GMDS: variants seen among roughly 807,000 people sequenced by gnomAD.
GMDS encodes the protein GDP-mannose 4,6-dehydratase, also known as GDP-mannose 4,6 dehydratase.
GMDS carries 20 observed loss-of-function variants against 49.9 expected under a neutral mutation model. That is an observed-to-expected ratio of 0.40 (90% CI 0.28 to 0.58). GMDS has a LOEUF of 0.58. Ranked by LOEUF, GMDS falls within the 20% of genes least tolerant of loss-of-function variation. The pLI is 0.42. For synonymous variants in GMDS, 177 were observed against 178.6 expected (o/e 0.99, Z 0.07); for missense variants, 362 against 481.4 (o/e 0.75, Z 2.32).
chr6:1,896,544 T>G (rs898510917), intron 7 of GMDS, among the ~76,000 whole-genome samples: 2 of 151,792 alleles, frequency 1.3e-5, no homozygotes, highest in Admixed American at 1.3e-4. Context: ...CCGGGGAATC[T>G]GACAGCGGGG....
chr6:1,856,467 T>C (rs967962535), intron 7 of GMDS, among the ~76,000 whole-genome samples: 2 of 152,234 alleles, frequency 1.3e-5, no homozygotes, highest in African/African-American at 2.4e-5. Context: ...ACCACTGCTG[T>C]AGACATTAGC....
chr6:2,233,870 G>T (rs1233491999), intron 1 of GMDS, among the ~76,000 whole-genome samples: 1 of 152,162 alleles, frequency 6.6e-6, no homozygotes, highest in Non-Finnish European at 1.5e-5. Flanking sequence ...TGGTCCAGGG[G>T]ATACAGTTTG....
chr6:1,848,207 G>A (rs1009632179), intron 7 of GMDS, among the ~76,000 whole-genome samples: 11 of 151,960 alleles, frequency 7.2e-5, no homozygotes, highest in African/African-American at 1.2e-4. Context: ...CCAACGTACC[G>A]CCCCATTTCA....
chr6:1,727,016 T>C (rs1766615388), intron 8 of GMDS, among the ~76,000 whole-genome samples: 1 of 152,198 alleles, frequency 6.6e-6, no homozygotes, highest in South Asian at 2.1e-4. Flanking sequence ...ATTCAATGCA[T>C]CCCTGGATCA....
chr6:1,971,467 C>T (rs764567704), intron 4 of GMDS, among the ~76,000 whole-genome samples: 2 of 152,172 alleles, frequency 1.3e-5, no homozygotes, highest in Non-Finnish European at 2.9e-5. Context: ...GTGACAAATG[C>T]TAACCAGACT....
At chr6:2,007,869 C>G (rs969802207) in intron 4 of GMDS, among the ~76,000 whole-genome samples, 4 of 152,184 alleles carry the variant, frequency 2.6e-5, no homozygotes, top group Non-Finnish European at 4.4e-5. Flanking sequence ...GAAGGATTCT[C>G]AGCACAGCAG....
chr6:1,856,500 C>T (rs77646742), intron 7 of GMDS, among the ~76,000 whole-genome samples: 9 of 152,334 alleles, frequency 5.9e-5, no homozygotes, highest in Admixed American at 1.3e-4. Flanking sequence ...TGAGAGCTAA[C>T]GTATTTGCCC....
chr6:1,855,119 C>G (rs1757887608), intron 7 of GMDS, among the ~76,000 whole-genome samples: 1 of 152,198 alleles, frequency 6.6e-6, no homozygotes, highest in Admixed American at 6.5e-5. Context: ...AACTCCCATA[C>G]TTTATATGTC....
intron 6 of GMDS, among the ~76,000 whole-genome samples, chr6:1,937,809 G>T (rs1270882081): frequency 6.6e-6 from 1 of 152,128 alleles, no homozygotes; most frequent in Non-Finnish European, 1.5e-5. Context: ...CACATCAACA[G>T]GTTCAGATAT....
chr6:1,714,637 C>T (rs1332414024), intron 9 of GMDS, among the ~76,000 whole-genome samples: 1 of 152,184 alleles, frequency 6.6e-6, no homozygotes, highest in African/African-American at 2.4e-5. Flanking sequence ...ACACTTTGTT[C>T]CACAAATATA....
chr6:1,770,220 C>T (rs958193605), intron 7 of GMDS, among the ~76,000 whole-genome samples: 1 of 152,122 alleles, frequency 6.6e-6, no homozygotes, highest in Non-Finnish European at 1.5e-5. Flanking sequence ...TGAGCCAACA[C>T]ACGAACACAT....
At chr6:2,219,163 C>T (rs766847503) in intron 1 of GMDS, among the ~76,000 whole-genome samples, 1 of 152,058 alleles carries the variant, frequency 6.6e-6, no homozygotes, top group South Asian at 2.1e-4. Context: ...GGGGAGGTGG[C>T]GGACAGGCAT....
At chr6:1,699,579 C>G (rs910316379) in intron 9 of GMDS, among the ~76,000 whole-genome samples, 2 of 152,180 alleles carry the variant, frequency 1.3e-5, no homozygotes, top group African/African-American at 4.8e-5. Context: ...GCCTACACCC[C>G]TTGGCTCGCA....
intron 7 of GMDS, among the ~76,000 whole-genome samples, chr6:1,749,170 G>T (rs1442189763): frequency 6.6e-6 from 1 of 152,178 alleles, no homozygotes; most frequent in African/African-American, 2.4e-5. Context: ...GTGATTAGTG[G>T]AAAGGAGCCC....
intron 9 of GMDS, among the ~76,000 whole-genome samples, chr6:1,682,367 C>T (rs1347222529): frequency 6.6e-6 from 1 of 152,218 alleles, no homozygotes; most frequent in Non-Finnish European, 1.5e-5. Flanking sequence ...CCTCCTCAGG[C>T]CTCCACTGCT....
chr6:2,096,295 C>T (rs186188107), intron 4 of GMDS, among the ~76,000 whole-genome samples: 2 of 152,236 alleles, frequency 1.3e-5, no homozygotes. Flanking sequence ...GTTATACATC[C>T]AGTGTCTTAA....
rs1554143996 is a variant in GMDS at position 1,999,959 on chromosome 6, T to TTATATATATATTATATATATATATTA, written c.346-38994_346-38993insTAATATATATATATAATATATATATA. On this transcript the variant is annotated intron_variant, in intron 4 of 10. Transcript: ENST00000380815. ...TTATATATAATATATAATATGTATA[T>TTATATATATATTATATATATATATTA]TATATATATATTATATATATATTTT... 3.4e-3 allele frequency among the ~76,000 whole-genome samples: 43 copies of TTATATATATATTATATATATATATTA among 12,510 alleles called. 1 individual carries two copies. The highest frequency in any genetic ancestry group is 8.6e-3 in the African/African-American group (40 of 4,646). The allele number at this position is 12,510 out of a possible 152,430, so 8.2% of individuals were successfully genotyped here. A position where few individuals can be genotyped will look rare whatever the true frequency, so the allele number is the denominator to read the frequency against.
At chr6:2,180,531 C>T (rs1226558340) in intron 1 of GMDS, among the ~76,000 whole-genome samples, 1 of 152,140 alleles carries the variant, frequency 6.6e-6, no homozygotes, top group Non-Finnish European at 1.5e-5. Flanking sequence ...TTTCCTCTCA[C>T]TGACTTAAGA....
At chr6:1,674,714 ATT>A (rs34312038) in intron 9 of GMDS, among the ~76,000 whole-genome samples, 48,807 of 142,512 alleles carry the variant, frequency 0.34, 8,416 homozygotes, top group Middle Eastern at 0.49. Flanking sequence ...CACCCAGCTA[ATT>A]TTTTTTTTTT....
Sources: gnomAD v4.1 joint callset for allele counts (sites outside exome capture counted in the v4.1 genomes callset) on GRCh38, gnomAD v4.1.1 for gene constraint, MANE v1.5 for transcripts, NCBI Gene and HGNC (gene_info 2026-07-23, HGNC 2026-07-21) for gene names.